The following PRKG1 variants were observed in gnomAD, a reference collection of about 807,000 sequenced individuals.
PRKG1 encodes protein kinase cGMP-dependent 1, also known as cGMP-dependent protein kinase 1.
In PRKG1, 35 loss-of-function variants were observed where a neutral mutation model predicts 88.1. The observed-to-expected ratio is 0.40, with a 90% CI of 0.30 to 0.53. PRKG1 has a LOEUF of 0.53. Among genes scored for constraint, PRKG1 ranks in the 20% least tolerant of loss-of-function variants. The pLI, the probability that PRKG1 is intolerant of heterozygous loss-of-function variation, is 0.59. For synonymous variants in PRKG1, 303 were observed against 292.5 expected, an observed-to-expected ratio of 1.04 and a Z score of -0.37; for missense variants, 540 against 839.8, an observed-to-expected ratio of 0.64 and a Z score of 4.41.
intron 3 of PRKG1, among the ~76,000 whole-genome samples, chr10:51,514,555 T>A (rs1841521881): frequency 1.3e-5 from 2 of 152,300 alleles, no homozygotes; most frequent in East Asian, 3.9e-4. Context: ...TAAATATGCT[T>A]CTTAAAAGCC....
intron 9 of PRKG1, among the ~76,000 whole-genome samples, chr10:52,243,392 T>C (rs193202512): frequency 3.9e-5 from 6 of 152,306 alleles, no homozygotes; most frequent in Admixed American, 3.9e-4. Context: ...CCTAGGTCTT[T>C]ATGACCTTAG....
intron 13 of PRKG1, 113 bp from the exon 14 acceptor site, chr10:52,282,040 A>C (rs533515852): frequency 8.9e-7 from 1 of 1,120,514 alleles, no homozygotes; most frequent in East Asian, 2.6e-5. Flanking sequence ...ACAGAACTAT[A>C]AAAACATACA....
intron 1 of PRKG1, among the ~76,000 whole-genome samples, chr10:51,027,117 C>G (rs1027749265): frequency 6.6e-6 from 1 of 152,160 alleles, no homozygotes; most frequent in African/African-American, 2.4e-5. Flanking sequence ...GTGGTGACTG[C>G]AGAGCGTCAA....
intron 3 of PRKG1, among the ~76,000 whole-genome samples, chr10:51,529,588 G>A (rs1337564579): frequency 6.6e-6 from 1 of 151,826 alleles, no homozygotes; most frequent in African/African-American, 2.4e-5. Flanking sequence ...TCTTTGCATG[G>A]CAAATCACTC....
At chr10:51,278,495 T>G (rs183194031) in intron 2 of PRKG1, among the ~76,000 whole-genome samples, 2 of 152,330 alleles carry the variant, frequency 1.3e-5, no homozygotes, top group East Asian at 3.9e-4. Context: ...GATTCCCTCT[T>G]TTTCTATTGA....
chr10:52,160,264 CA>C (rs1299911407), intron 8 of PRKG1, among the ~76,000 whole-genome samples: 1 of 151,814 alleles, frequency 6.6e-6, no homozygotes, highest in East Asian at 1.9e-4. Flanking sequence ...AGAACAATGA[CA>C]AAAATAATAT....
chr10:51,107,388 T>G (rs1844863505), intron 1 of PRKG1, among the ~76,000 whole-genome samples: 1 of 151,992 alleles, frequency 6.6e-6, no homozygotes, highest in African/African-American at 2.4e-5. Context: ...TTTTCCCATC[T>G]CAAGAAACTA....
At chr10:52,083,249 CA>C (rs1846825968) in intron 7 of PRKG1, among the ~76,000 whole-genome samples, 1 of 151,916 alleles carries the variant, frequency 6.6e-6, no homozygotes, top group African/African-American at 2.4e-5. Context: ...TCGTTCTTTG[CA>C]TAATTTTACT....
rs1013881671 is a variant in PRKG1 at position 52,295,916 on chromosome 10, A to G, written c.*2016A>G. On this transcript the variant is annotated 3_prime_UTR_variant, in exon 18 of 18. Transcript: ENST00000373980. ...TTTTTGGAGTTTTCCGTCCCTTACA[A>G]TTTCTCCAAATTGGTCTATTCCCCA... The G allele has an allele frequency of 2.0e-5, 3 of 151,956 alleles. No homozygotes were observed. Among genetic ancestry groups the G allele is most frequent in the African/African-American group, 7.2e-5 (3 of 41,422 alleles). The allele number at this position is 151,956 out of a possible 1,614,324, so 9.4% of individuals were successfully genotyped here. A position where few individuals can be genotyped will look rare whatever the true frequency, so the allele number is the denominator to read the frequency against.
chr10:51,697,571 TAAG>T (rs1320577823), intron 3 of PRKG1: 14 of 895,620 alleles, frequency 1.6e-5, no homozygotes, highest in South Asian at 3.8e-5. Flanking sequence ...GAACAAAAAA[TAAG>T]ATTAGGTTCT....
At chr10:51,615,548 A>T (rs56101037) in intron 3 of PRKG1, among the ~76,000 whole-genome samples, 2,900 of 151,110 alleles carry the variant, frequency 0.019, 99 homozygotes, top group African/African-American at 0.067. Flanking sequence ...TTATTTCAAA[A>T]GATGCGTCTT....
At chr10:52,028,553 C>G (rs1845401116) in intron 5 of PRKG1, among the ~76,000 whole-genome samples, 2 of 152,186 alleles carry the variant, frequency 1.3e-5, no homozygotes, top group African/African-American at 2.4e-5. Context: ...AAGGTTATAT[C>G]TCATTGTTCT....
Position 51,743,690 on chromosome 10 carries a change from T to TAAACTAAA in PRKG1, c.593-60895_593-60894insAAACTAAA, listed in dbSNP as rs1229181162. On this transcript the variant is annotated intron_variant, in intron 3 of 17. Coordinates refer to ENST00000373980, the MANE Select transcript of PRKG1 (RefSeq NM_006258.4). ...TATATATTTATATATATATAATTTA[T>TAAACTAAA]TATATATATAATATAAACTAAATAT... is the stretch of plus-strand genomic sequence containing the variant. Among the ~76,000 whole-genome samples the TAAACTAAA allele has an allele frequency of 3.0e-3, 379 of 124,522 alleles. 4 individuals are homozygous for TAAACTAAA. The highest frequency in any genetic ancestry group is 0.011 in the African/African-American group (366 of 32,218). 81.7% of individuals were successfully genotyped at this position (124,522 alleles called of 152,430 possible).
chr10:51,054,940 A>G (rs2132774405), intron 1 of PRKG1, among the ~76,000 whole-genome samples: 3 of 152,322 alleles, frequency 2.0e-5, no homozygotes, highest in Middle Eastern at 6.8e-3. Context: ...TCATATGTAT[A>G]AGGCACTATA....
At chr10:51,652,234 G>A (rs895411795) in intron 3 of PRKG1, among the ~76,000 whole-genome samples, 3 of 151,610 alleles carry the variant, frequency 2.0e-5, no homozygotes, top group Non-Finnish European at 4.4e-5. Context: ...AAAGGATTCC[G>A]ATATAATAGC....
chr10:51,389,819 A>C (rs1023087697), intron 2 of PRKG1, among the ~76,000 whole-genome samples: 10 of 152,170 alleles, frequency 6.6e-5, no homozygotes, highest in Non-Finnish European at 1.2e-4. Context: ...TGTCACTTTC[A>C]GTGACTTTTC....
At chr10:52,282,074 C>A in intron 13 of PRKG1, 79 bp from the exon 14 acceptor site, 1 of 1,284,190 alleles carries the variant, frequency 7.8e-7, no homozygotes, top group Non-Finnish European at 1.1e-6. Flanking sequence ...TTATCATCAT[C>A]AGTGTGCTTC....
intron 4 of PRKG1, among the ~76,000 whole-genome samples, chr10:51,875,391 A>G (rs1476706576): frequency 2.6e-5 from 4 of 152,082 alleles, no homozygotes; most frequent in Admixed American, 6.5e-5. Flanking sequence ...TTTTAAAAAA[A>G]AAACCACCCC....
intron 3 of PRKG1, among the ~76,000 whole-genome samples, chr10:51,755,402 G>A (rs768804611): frequency 1.3e-5 from 2 of 152,116 alleles, no homozygotes; most frequent in Non-Finnish European, 2.9e-5. Context: ...TGGGAGCTAG[G>A]CTTTCTCAAC....
Sources: allele counts gnomAD v4.1 joint callset (sites outside exome capture counted in the v4.1 genomes callset), GRCh38; gene constraint gnomAD v4.1.1; transcripts MANE v1.5; gene names NCBI Gene and HGNC (gene_info 2026-07-23, HGNC 2026-07-21).